Variants in ZNF609 observed in about 807,000 individuals in gnomAD.
The protein encoded by ZNF609 is zinc finger protein 609.
ZNF609 carries 11 observed loss-of-function variants against 109.5 expected under a neutral mutation model. The ratio of observed to expected loss-of-function variants is 0.10; its 90% confidence interval spans 0.06 to 0.17. ZNF609 has a LOEUF of 0.17. Among genes scored for constraint, ZNF609 ranks in the 10% least tolerant of loss-of-function variants. The pLI is 1.00. For synonymous variants in ZNF609, 646 were observed against 662.0 expected, an observed-to-expected ratio of 0.98 and a Z score of 0.37; for missense variants, 1,559 against 1,772.4, an observed-to-expected ratio of 0.88 and a Z score of 2.16.
chr15:64,674,109 C>A lies in ZNF609; in HGVS notation c.1255C>A (p.His419Asn). ...GRRGSQNSSE[H>N]RPPASSTSED... ...TCGGGGCAGCCAGAATTCTTCAGAG[C>A]ACCGCCCACCTGCCAGCAGCACTTC... The change falls in exon 5 of 10, where the codon CAC becomes AAC. Residue 419 changes from histidine to asparagine, a missense_variant. His to Asn is a moderately conservative substitution (Grantham distance 68, BLOSUM62 1). Around this residue, in one of 4 missense-constraint regions of ZNF609, gnomAD observed 1,204 missense variants for 1,314.1 expected, o/e 0.92. Coordinates refer to ENST00000326648, the MANE Select transcript of ZNF609 (RefSeq NM_015042.2). The A allele has an allele frequency of 6.2e-7, 1 of 1,614,214 alleles. No homozygotes were observed. The highest frequency in any genetic ancestry group is 1.1e-5 in the South Asian group (1 of 91,080).
intron 2 of ZNF609, among the ~76,000 whole-genome samples, chr15:64,583,187 C>T (rs1407239258): frequency 6.6e-6 from 1 of 151,512 alleles, no homozygotes; most frequent in Non-Finnish European, 1.5e-5. Flanking sequence ...CACCCGCCAC[C>T]ACACCCAGCT....
At chr15:64,509,938 C>G (rs920293760) in intron 2 of ZNF609, among the ~76,000 whole-genome samples, 1 of 152,174 alleles carries the variant, frequency 6.6e-6, no homozygotes, top group Non-Finnish European at 1.5e-5. Context: ...TGTAGTCCCC[C>G]CAACCTTATC....
chr15:64,463,846 C>A (rs547274428), intron 1 of ZNF609, among the ~76,000 whole-genome samples: 3 of 152,352 alleles, frequency 2.0e-5, no homozygotes, highest in Non-Finnish European at 4.4e-5. Flanking sequence ...TAAACTGAGT[C>A]CAAAGCTTTT....
chr15:64,563,230 A>C (rs1453010259), intron 2 of ZNF609, among the ~76,000 whole-genome samples: 1 of 152,018 alleles, frequency 6.6e-6, no homozygotes, highest in Admixed American at 6.6e-5. Flanking sequence ...TAGGAGGATC[A>C]CGTGAGCCTA....
chr15:64,610,521 T>C (rs1895699780), intron 2 of ZNF609, among the ~76,000 whole-genome samples: 1 of 152,116 alleles, frequency 6.6e-6, no homozygotes, highest in Admixed American at 6.6e-5. Flanking sequence ...CAGTGGTGTG[T>C]GCCTGTAGTC....
chr15:64,654,491 G>A (rs1350018515), intron 3 of ZNF609: 1 of 151,764 alleles, frequency 6.6e-6, no homozygotes, highest in Non-Finnish European at 1.5e-5. Context: ...ATAGAGATGG[G>A]AGTCTTGTAA....
intron 3 of ZNF609, 110 bp downstream of exon 3, chr15:64,623,162 T>C (rs1045581948): frequency 2.6e-6 from 3 of 1,137,552 alleles, no homozygotes; most frequent in Non-Finnish European, 3.8e-6. Flanking sequence ...GTCTCAAGTG[T>C]CCACAGTCTG....
chr15:64,585,058 C>T (rs939869902), intron 2 of ZNF609, among the ~76,000 whole-genome samples: 10 of 151,266 alleles, frequency 6.6e-5, no homozygotes, highest in African/African-American at 9.7e-5. Flanking sequence ...GGTGTGGTGG[C>T]TCATGCCTAT....
At chr15:64,487,313 A>G (rs1893346458) in intron 1 of ZNF609, among the ~76,000 whole-genome samples, 1 of 152,146 alleles carries the variant, frequency 6.6e-6, no homozygotes, top group Non-Finnish European at 1.5e-5. Context: ...TACATATAAT[A>G]CTGCTTTAGG....
intron 2 of ZNF609, among the ~76,000 whole-genome samples, chr15:64,584,950 T>A (rs1426514696): frequency 6.3e-5 from 9 of 143,442 alleles, no homozygotes; most frequent in Non-Finnish European, 1.5e-5. Flanking sequence ...ATATAAAAAA[T>A]AAATAAGGAA....
At chr15:64,576,004 A>T (rs1894945634) in intron 2 of ZNF609, among the ~76,000 whole-genome samples, 1 of 152,182 alleles carries the variant, frequency 6.6e-6, no homozygotes, top group Non-Finnish European at 1.5e-5. Flanking sequence ...TGGGAGGCTG[A>T]GGCAGGAGAA....
intron 1 of ZNF609, among the ~76,000 whole-genome samples, chr15:64,492,533 G>T (rs959577935): frequency 2.6e-5 from 4 of 152,180 alleles, no homozygotes; most frequent in African/African-American, 9.6e-5. Flanking sequence ...TTTTCGAGTT[G>T]TCTTCTTTTT....
chr15:64,609,450 G>A (rs1017092410), intron 2 of ZNF609, among the ~76,000 whole-genome samples: 1 of 151,350 alleles, frequency 6.6e-6, no homozygotes, highest in African/African-American at 2.4e-5. Context: ...CAAAGTGCTG[G>A]GATTACAGGC....
chr15:64,668,632 C>T lies in ZNF609; in HGVS notation c.974-1714C>T, dbSNP rs892332015. 2.9e-4 allele frequency among the ~76,000 whole-genome samples: 44 copies of T among 151,862 alleles called. 1 individual carries two copies. Among genetic ancestry groups the T allele is most frequent in the Non-Finnish European group, 1.5e-5 (1 of 67,992 alleles). The stretch of plus-strand genomic sequence containing the variant: ...AGCCCGAGTTTGAGCCCAATCTGGG[C>T]AACATAACAAGACATTGTCTCTAAA... On this transcript the variant is annotated intron_variant, in intron 3 of 9. Coordinates refer to ENST00000326648, the MANE Select transcript of ZNF609 (RefSeq NM_015042.2).
intron 2 of ZNF609, among the ~76,000 whole-genome samples, chr15:64,553,570 A>T (rs1483943960): frequency 3.3e-5 from 5 of 150,584 alleles, no homozygotes; most frequent in African/African-American, 1.2e-4. Context: ...TTTATTTTTT[A>T]ATTTTATTTT....
Position 64,681,636 on chromosome 15 carries a change from T to C in ZNF609, c.*6-56T>C, listed in dbSNP as rs1470992464. ...TTCATTTTCTTGGAGTGCCACCTTG[T>C]GGTTTTTTTACCAACAGGCTGAGTG... On this transcript the variant is annotated intron_variant, in intron 9 of 9. Transcript: ENST00000326648. 7 of 387,852 alleles carry C rather than the reference T, an allele frequency of 1.8e-5. No homozygotes were observed. The South Asian group carries it at 2.2e-4, about 12-fold the overall frequency. The allele number at this position is 387,852 out of a possible 1,614,324, so 24.0% of individuals were successfully genotyped here. A position where few individuals can be genotyped will look rare whatever the true frequency, so the allele number is the denominator to read the frequency against.
chr15:64,582,743 CAGAGTCTTTTTTTTTTTT>C (rs1895129496), intron 2 of ZNF609, among the ~76,000 whole-genome samples: 1 of 68,468 alleles, frequency 1.5e-5, no homozygotes, highest in African/African-American at 5.4e-5. Context: ...TTTTTTGAGA[CAGAGTCTTTTTTTTTTTT>C]TTTTTTTTGA....
intron 4 of ZNF609, 124 bp from the exon 5 acceptor site, chr15:64,673,792 T>G: frequency 1.7e-6 from 2 of 1,150,694 alleles, no homozygotes; most frequent in Non-Finnish European, 2.4e-6. Flanking sequence ...AGAATTTCTT[T>G]TAACAAATCA....
At chr15:64,525,898 C>T (rs1465142540) in intron 2 of ZNF609, among the ~76,000 whole-genome samples, 1 of 151,776 alleles carries the variant, frequency 6.6e-6, no homozygotes, top group East Asian at 1.9e-4. Context: ...AAGCGATTCT[C>T]CTGTTTCAGC....
Sources: allele counts gnomAD v4.1 joint callset (sites outside exome capture counted in the v4.1 genomes callset), GRCh38; gene constraint gnomAD v4.1.1; regional missense constraint gnomAD v4.1.1; transcripts MANE v1.5; gene names NCBI Gene and HGNC (gene_info 2026-07-23, HGNC 2026-07-21).